TM7SF3: variants seen among roughly 807,000 people sequenced by gnomAD.
The protein encoded by TM7SF3 is seven span transmembrane protein.
In TM7SF3, 60 loss-of-function variants were observed where a neutral mutation model predicts 65.5. That is an observed-to-expected ratio of 0.92 (90% CI 0.74 to 1.14). TM7SF3 has a LOEUF of 1.14. Ranked by LOEUF, TM7SF3 falls within the 50% of genes most tolerant of loss-of-function variation. The pLI is 0.00. For synonymous variants in TM7SF3, 264 were observed against 259.6 expected (o/e 1.02, Z -0.16); for missense variants, 623 against 684.8 (o/e 0.91, Z 1.01).
rs1353989444 is a variant in TM7SF3 at position 26,974,173 on chromosome 12, T to C, written c.1505A>G (p.Gln502Arg). Residue 502 changes from glutamine (Q) to arginine (R), a missense_variant, in exon 12 of 12, where the codon CAG becomes CGG. Coordinates refer to ENST00000343028, the MANE Select transcript of TM7SF3 (RefSeq NM_016551.3). ...CGGTCGTCCTCTCTCTCTTCGAATC[T>C]GTAACGTAATTCCACTTACAGCCAG... is the stretch of plus-strand genomic sequence containing the variant. ...GMLAVSGITL[Q>R]IRRERGRPFF... 15 of 1,614,082 alleles carry C rather than the reference T, an allele frequency of 9.3e-6. No homozygotes were observed. Among genetic ancestry groups the C allele is most frequent in the Non-Finnish European group, 1.2e-5 (14 of 1,180,028 alleles).
chr12:27,006,095 C>T (rs1013019612), intron 1 of TM7SF3, among the ~76,000 whole-genome samples: 17 of 149,668 alleles, frequency 1.1e-4, no homozygotes, highest in Non-Finnish European at 8.9e-5. Context: ...CTACCCTGCC[C>T]GGCTGATTTT....
chr12:27,003,312 T>C lies in TM7SF3; in HGVS notation c.170A>G (p.Asp57Gly), dbSNP rs770446079. Reference protein sequence around the residue: ...RPFPEEAILHDISSNVTFLIF... With the variant: ...RPFPEEAILHGISSNVTFLIF... ...AAGAAAAGTCACATTGCTTGAAATATCATGCAAAATAGCTTCCTCTGGAAA... is the reference window on the plus strand; with the variant it reads ...AAGAAAAGTCACATTGCTTGAAATACCATGCAAAATAGCTTCCTCTGGAAA... Residue 57 changes from aspartate to glycine, a missense_variant, in exon 2 of 12, where the codon GAT (aspartate) becomes GGT (glycine). Physicochemically the swap from Asp to Gly is moderately conservative, Grantham distance 94 (BLOSUM62 -1). Coordinates refer to ENST00000343028, the MANE Select transcript of TM7SF3 (RefSeq NM_016551.3). 6.2e-7 allele frequency: 1 copy of C among 1,613,686 alleles called. No homozygotes were observed. Among genetic ancestry groups the C allele is most frequent in the Non-Finnish European group, 8.5e-7 (1 of 1,179,746 alleles).
In TM7SF3 at chr12:27,014,154, C is replaced by G; in HGVS notation, c.15G>C (p.Gln5His). Residue 5 changes from glutamine (Q) to histidine (H), a missense_variant, in exon 1 of 12, where the codon CAG (glutamine) becomes CAC (histidine). By Grantham distance (24) the Gln-to-His change is conservative. Transcript: ENST00000343028. ...ATGCCAGCACCGCTACGACCAGCAGCTGCAGGAACCCCATTGCTGCCTGGG... is the reference window on the plus strand; with the variant it reads ...ATGCCAGCACCGCTACGACCAGCAGGTGCAGGAACCCCATTGCTGCCTGGG... MGFL[Q>H]LLVVAVLASE... The G allele has an allele frequency of 6.4e-7, 1 of 1,562,950 alleles. No individual in the cohort carries two copies. Among genetic ancestry groups the G allele is most frequent in the East Asian group, 2.4e-5 (1 of 42,394 alleles).
At chr12:27,005,485 C>G (rs1592313986) in intron 1 of TM7SF3, among the ~76,000 whole-genome samples, 2 of 152,258 alleles carry the variant, frequency 1.3e-5, no homozygotes, top group African/African-American at 4.8e-5. Context: ...AGAAAATGTT[C>G]TAATAATCCT....
chr12:27,012,994 TCA>T, intron 1 of TM7SF3: 5 of 39,672 alleles, frequency 1.3e-4, no homozygotes, highest in South Asian at 7.8e-4. Context: ...CGAGACTCCG[TCA>T]AAAAAAAAAA....
Position 27,003,264 on chromosome 12 carries a change from T to TAC in TM7SF3, c.216_217dup (p.Tyr73CysfsTer74). 1.2e-6 allele frequency: 2 copies of TAC among 1,612,396 alleles called. No homozygotes were observed. Among genetic ancestry groups the TAC allele is most frequent in the Non-Finnish European group, 1.7e-6 (2 of 1,178,972 alleles). ...AGAAAAGGAAACAGTTGTATTCTGA[T>TAC]ACTGTGAGTGTATTTGGAAAATAAG... On this transcript the variant is annotated frameshift_variant, in exon 2 of 12. Coordinates refer to ENST00000343028, the MANE Select transcript of TM7SF3 (RefSeq NM_016551.3). LOFTEE classifies it high-confidence loss of function.
chr12:26,985,379 A>G (rs1940001361), intron 6 of TM7SF3, among the ~76,000 whole-genome samples: 1 of 151,808 alleles, frequency 6.6e-6, no homozygotes, highest in Non-Finnish European at 1.5e-5. Flanking sequence ...CACCTGTAGG[A>G]CTTTGGGAGG....
Position 26,979,771 on chromosome 12 carries a change from A to G in TM7SF3, c.1189+13T>C. The stretch of plus-strand genomic sequence containing the variant: ...CACTCGAACACACAAAACATCTGTT[A>G]CATATCGCCTACCCAGTGGAGTAAA... On this transcript the variant is annotated intron_variant, in intron 9 of 11. Coordinates refer to ENST00000343028, the MANE Select transcript of TM7SF3 (RefSeq NM_016551.3). 2 of 1,613,578 alleles carry G rather than the reference A, an allele frequency of 1.2e-6. No homozygotes were observed. The highest frequency in any genetic ancestry group is 3.3e-4 in the Middle Eastern group (2 of 6,062).
intron 6 of TM7SF3, chr12:26,983,474 A>T: frequency 2.4e-6 from 1 of 410,778 alleles, no homozygotes; most frequent in Non-Finnish European, 5.0e-6. Flanking sequence ...TTAAGTGCTT[A>T]TCTTTAAGGT....
At chr12:26,992,717 G>C (rs1375970775) in intron 5 of TM7SF3, among the ~76,000 whole-genome samples, 1 of 152,178 alleles carries the variant, frequency 6.6e-6, no homozygotes, top group African/African-American at 2.4e-5. Flanking sequence ...AGCGTTGCAA[G>C]AGTATCATAC....
chr12:27,003,465 A>G (rs903779897), intron 1 of TM7SF3, 75 bp from the exon 2 acceptor site: 2 of 1,386,434 alleles, frequency 1.4e-6, no homozygotes, highest in Non-Finnish European at 2.0e-6. Context: ...TCATAAATGA[A>G]TGTGGAATTT....
At chr12:26,979,542 T>A in intron 9 of TM7SF3, 1 of 509,606 alleles carries the variant, frequency 2.0e-6, no homozygotes, top group Non-Finnish European at 3.5e-6. Context: ...ATACCACTTA[T>A]CACAACAAAT....
rs866123723 is a variant in TM7SF3, at chr12:27,014,126, C to T, written c.43G>A (p.Glu15Lys). The change falls in exon 1 of 12, where the codon GAA becomes AAA. Residue 15 changes from glutamate (E) to lysine (K), a missense_variant. Coordinates refer to ENST00000343028, the MANE Select transcript of TM7SF3 (RefSeq NM_016551.3). ...TCGGCTGCACCAGCCACCCGGTGTT[C>T]GGATGCCAGCACCGCTACGACCAGC... ...QLLVVAVLAS[E>K]HRVAGAAEVF... is the part of the protein sequence containing the mutation. 5 of 1,570,882 alleles carry T rather than the reference C, an allele frequency of 3.2e-6. No homozygotes were observed. The highest frequency in any genetic ancestry group is 4.7e-5 in the East Asian group (2 of 42,858).
intron 6 of TM7SF3, among the ~76,000 whole-genome samples, chr12:26,984,196 G>A (rs890435207): frequency 4.6e-5 from 7 of 152,146 alleles, no homozygotes; most frequent in Admixed American, 6.5e-5. Context: ...TTGGGAGGCC[G>A]AGGTGGGCGG....
chr12:27,001,118 A>G (rs1189077420), intron 2 of TM7SF3, among the ~76,000 whole-genome samples: 1 of 152,126 alleles, frequency 6.6e-6, no homozygotes, highest in Non-Finnish European at 1.5e-5. Context: ...AAAAAAAACA[A>G]AAGTGCCACA....
chr12:26,990,384 A>T, intron 6 of TM7SF3, 66 bp downstream of exon 6: 1 of 1,217,456 alleles, frequency 8.2e-7, no homozygotes, highest in Non-Finnish European at 1.2e-6. Flanking sequence ...ATGAATGAGA[A>T]CTAGACAAAA....
intron 6 of TM7SF3, among the ~76,000 whole-genome samples, chr12:26,984,247 T>C (rs1350373496): frequency 6.6e-6 from 1 of 152,040 alleles, no homozygotes; most frequent in Non-Finnish European, 1.5e-5. Context: ...CTGGCCAACA[T>C]GGTGAGAACC....
intron 1 of TM7SF3, among the ~76,000 whole-genome samples, chr12:27,005,208 T>G (rs1229877670): frequency 6.6e-6 from 1 of 152,208 alleles, no homozygotes; most frequent in Non-Finnish European, 1.5e-5. Flanking sequence ...ATTGGCAGTA[T>G]CAGTCTGCTT....
At chr12:26,994,806 A>G (rs1488658992) in intron 5 of TM7SF3, among the ~76,000 whole-genome samples, 1 of 152,214 alleles carries the variant, frequency 6.6e-6, no homozygotes, top group East Asian at 1.9e-4. Context: ...AAGCTCAGAG[A>G]AGAATTTTAC....
Sources: allele counts gnomAD v4.1 joint callset (sites outside exome capture counted in the v4.1 genomes callset), GRCh38; gene constraint gnomAD v4.1.1; transcripts MANE v1.5; gene names NCBI Gene and HGNC (gene_info 2026-07-23, HGNC 2026-07-21).